Variants in CMSS1 observed in about 807,000 individuals in gnomAD.
The protein encoded by CMSS1 is cms1 ribosomal small subunit homolog.
A neutral mutation model predicts 43.5 loss-of-function variants in CMSS1; 33 were observed. That is an observed-to-expected ratio of 0.76 (90% confidence interval 0.57 to 1.01). The LOEUF is 1.01. CMSS1 is among the 50% of genes least tolerant of loss of function. The pLI is 0.00. For synonymous variants in CMSS1, 115 were observed against 117.2 expected (o/e 0.98, Z 0.12); for missense variants, 313 against 326.4 (o/e 0.96, Z 0.32).
chr3:100,129,672 T>C (rs1303038216), intron 1 of CMSS1, among the ~76,000 whole-genome samples: 1 of 152,132 alleles, frequency 6.6e-6, no homozygotes, highest in Non-Finnish European at 1.5e-5. Context: ...TCCCCCAGAG[T>C]CTTTAATATA....
chr3:99,920,726 C>T (rs1401284098), intron 1 of CMSS1, among the ~76,000 whole-genome samples: 2 of 151,762 alleles, frequency 1.3e-5, no homozygotes, highest in South Asian at 4.2e-4. Context: ...ACTTGGCAAA[C>T]ATTTTGGCCT....
chr3:99,833,216 A>G (rs764101832), intron 1 of CMSS1: 1 of 1,609,264 alleles, frequency 6.2e-7, no homozygotes, highest in Non-Finnish European at 8.5e-7. Context: ...ATGCCTTAAA[A>G]GTCTGAAGGA....
chr3:99,967,719 A>G (rs749268513), intron 1 of CMSS1, among the ~76,000 whole-genome samples: 3 of 152,222 alleles, frequency 2.0e-5, no homozygotes, highest in Non-Finnish European at 4.4e-5. Context: ...GAGCTACAGA[A>G]TGACACTAAT....
chr3:99,842,267 A>G (rs571958339), intron 1 of CMSS1, among the ~76,000 whole-genome samples: 53 of 152,310 alleles, frequency 3.5e-4, no homozygotes, highest in Non-Finnish European at 6.2e-4. Flanking sequence ...CTCACTCATA[A>G]GGAGGAGCTA....
chr3:100,173,532 C>T (rs1177280922), intron 8 of CMSS1, among the ~76,000 whole-genome samples: 2 of 152,046 alleles, frequency 1.3e-5, no homozygotes, highest in East Asian at 3.9e-4. Flanking sequence ...AGACTGAGAT[C>T]GATAGCATGA....
At chr3:100,080,539 G>A (rs1472223420) in intron 1 of CMSS1, among the ~76,000 whole-genome samples, 7 of 152,172 alleles carry the variant, frequency 4.6e-5, no homozygotes, top group Admixed American at 2.0e-4. Flanking sequence ...TAGGTGATCT[G>A]TGGACCACAT....
intron 1 of CMSS1, among the ~76,000 whole-genome samples, chr3:100,139,603 A>G (rs1403092898): frequency 5.7e-5 from 8 of 140,092 alleles, no homozygotes; most frequent in East Asian, 2.1e-4. Context: ...GTGTGTATAT[A>G]TGTGTGTGTG....
At chr3:100,164,344 G>A (rs2067049257) in intron 4 of CMSS1, among the ~76,000 whole-genome samples, 1 of 152,200 alleles carries the variant, frequency 6.6e-6, no homozygotes, top group South Asian at 2.1e-4. Context: ...TGGGACCACT[G>A]CTGTTCTGTA....
rs548742243 is a variant in CMSS1, at chr3:99,971,264, C to T, written c.64+153221C>T. On this transcript the variant is annotated intron_variant, in intron 1 of 9. Coordinates refer to ENST00000421999, the MANE Select transcript of CMSS1 (RefSeq NM_032359.4). ...CTGAGGCAGGAGAATGGCGTGAACC[C>T]GGGGCGCGGAGCTTGCAGTGAGCCA... Among the ~76,000 whole-genome samples the T allele has an allele frequency of 8.7e-5, 13 of 149,488 alleles. No homozygotes were observed. In the East Asian group the frequency reaches 9.9e-4, roughly 11 times the overall value.
intron 1 of CMSS1, among the ~76,000 whole-genome samples, chr3:100,059,500 G>A (rs1269094045): frequency 6.6e-6 from 1 of 152,136 alleles, no homozygotes; most frequent in Non-Finnish European, 1.5e-5. Flanking sequence ...ATAATGGTGT[G>A]CTAGGCCCTG....
chr3:99,833,487 A>G (rs1490782870), intron 1 of CMSS1, among the ~76,000 whole-genome samples: 1 of 152,242 alleles, frequency 6.6e-6, no homozygotes, highest in African/African-American at 2.4e-5. Context: ...CCCAATTTCT[A>G]CATGACTCTT....
At chr3:100,031,906 A>G (rs926436811) in intron 1 of CMSS1, among the ~76,000 whole-genome samples, 1 of 152,204 alleles carries the variant, frequency 6.6e-6, no homozygotes. Flanking sequence ...CAATACATAA[A>G]TTAATGAGCA....
chr3:100,082,688 C>T (rs891808579), intron 1 of CMSS1, among the ~76,000 whole-genome samples: 2 of 152,136 alleles, frequency 1.3e-5, no homozygotes, highest in Non-Finnish European at 2.9e-5. Flanking sequence ...TTTAGGAAGC[C>T]TTTATAGATG....
intron 1 of CMSS1, among the ~76,000 whole-genome samples, chr3:99,857,828 T>C (rs895146727): frequency 6.6e-5 from 10 of 152,254 alleles, no homozygotes; most frequent in Non-Finnish European, 1.2e-4. Context: ...TTTCACTATG[T>C]TCACTATGTA....
chr3:100,164,558 C>CA (rs1381189991), intron 4 of CMSS1, among the ~76,000 whole-genome samples: 1 of 151,844 alleles, frequency 6.6e-6, no homozygotes, highest in African/African-American at 2.4e-5. Context: ...ACGTTATAAC[C>CA]AAAAAGGACA....
intron 2 of CMSS1, chr3:100,159,900 A>T (rs1041487459): frequency 1.5e-5 from 7 of 456,560 alleles, no homozygotes; most frequent in African/African-American, 1.0e-4. Flanking sequence ...CATTTGATGC[A>T]GCTGGTTTAT....
intron 1 of CMSS1, among the ~76,000 whole-genome samples, chr3:100,061,292 C>T (rs1355736362): frequency 6.6e-6 from 1 of 152,232 alleles, no homozygotes; most frequent in Non-Finnish European, 1.5e-5. Context: ...TATCTCTGGA[C>T]AGCCAGATGG....
chr3:99,820,444 G>T (rs1217942563), intron 1 of CMSS1, among the ~76,000 whole-genome samples: 1 of 151,628 alleles, frequency 6.6e-6, no homozygotes, highest in Non-Finnish European at 1.5e-5. Flanking sequence ...TGATCTGCTC[G>T]CCTTGGCCTC....
At chr3:100,024,270 T>C (rs1022127559) in intron 1 of CMSS1, among the ~76,000 whole-genome samples, 2 of 152,184 alleles carry the variant, frequency 1.3e-5, no homozygotes, top group African/African-American at 2.4e-5. Flanking sequence ...TTTCTTTGAT[T>C]ATAGGTTTGC....
Sources: gnomAD v4.1 joint callset for allele counts (sites outside exome capture counted in the v4.1 genomes callset) on GRCh38, gnomAD v4.1.1 for gene constraint, MANE v1.5 for transcripts, NCBI Gene and HGNC (gene_info 2026-07-23, HGNC 2026-07-21) for gene names.